Variants in ITPR2 observed in about 807,000 individuals in gnomAD.
ITPR2 encodes inositol 1,4,5-trisphosphate-gated calcium channel ITPR2.
Under a neutral mutation model 317.1 loss-of-function variants are expected in ITPR2, and 207 were observed. The ratio of observed to expected loss-of-function variants is 0.65; its 90% CI spans 0.58 to 0.73. The LOEUF (loss-of-function observed/expected upper bound fraction) is 0.73, where lower values mean the gene tolerates loss of function less well. ITPR2 is among the 30% of genes least tolerant of loss of function. The pLI is 0.00. For missense variants in ITPR2, 2,613 were observed against 3,284.0 expected (o/e 0.80, Z 4.99); for synonymous variants, 1,156 against 1,149.1 (o/e 1.01, Z -0.12).
intron 1 of ITPR2, among the ~76,000 whole-genome samples, chr12:26,814,161 C>T (rs1460416575): frequency 1.3e-5 from 2 of 152,138 alleles, no homozygotes; most frequent in Non-Finnish European, 2.9e-5. Flanking sequence ...GGTAAGGCTG[C>T]GGCAGATAGC....
At chr12:26,425,099 C>T (rs1270237964) in intron 49 of ITPR2, among the ~76,000 whole-genome samples, 3 of 151,864 alleles carry the variant, frequency 2.0e-5, no homozygotes, top group South Asian at 2.1e-4. Context: ...AGATGATATT[C>T]GCTAAAATAT....
At chr12:26,808,864 C>CACAG (rs1237962399) in intron 1 of ITPR2, among the ~76,000 whole-genome samples, 4 of 152,192 alleles carry the variant, frequency 2.6e-5, no homozygotes, top group African/African-American at 9.7e-5. Flanking sequence ...ACACTCTATT[C>CACAG]AACAGGCATT....
Position 26,681,492 on chromosome 12 carries a change from G to A in ITPR2, c.1409+382C>T, listed in dbSNP as rs183766892. Among the ~76,000 whole-genome samples the A allele has an allele frequency of 2.0e-5, 3 of 152,100 alleles. No homozygotes were observed. In the East Asian group the frequency reaches 5.8e-4, roughly 29 times the overall value. On this transcript the variant is annotated intron_variant, in intron 13 of 56. Coordinates refer to ENST00000381340, the MANE Select transcript of ITPR2 (RefSeq NM_002223.4). ...TTTTGTGGTACCAGAGCTGAGAAAT[G>A]CATCTTGAATAAATAAGATCAGAGA...
At chr12:26,468,852 G>A (rs563319764) in intron 45 of ITPR2, among the ~76,000 whole-genome samples, 11 of 152,100 alleles carry the variant, frequency 7.2e-5, no homozygotes, top group Non-Finnish European at 1.5e-4. Context: ...TCAAATTATT[G>A]TAGTTTATTT....
chr12:26,417,544 T>C (rs1278846780), intron 50 of ITPR2, among the ~76,000 whole-genome samples: 1 of 152,104 alleles, frequency 6.6e-6, no homozygotes, highest in Non-Finnish European at 1.5e-5. Context: ...AAAGTGGCAG[T>C]TTCCCCCGTG....
intron 55 of ITPR2, among the ~76,000 whole-genome samples, chr12:26,377,737 G>A (rs1591974897): frequency 6.6e-6 from 1 of 152,358 alleles, no homozygotes; most frequent in East Asian, 1.9e-4. Context: ...TATTTACAGA[G>A]CACCTGGGAT....
intron 55 of ITPR2, among the ~76,000 whole-genome samples, chr12:26,353,481 AG>A (rs1210909905): frequency 3.9e-5 from 6 of 152,228 alleles, no homozygotes; most frequent in African/African-American, 1.2e-4. Context: ...ACTCTTACAG[AG>A]GGGTCTGCCC....
At chr12:26,470,223 T>C (rs1942264867) in intron 45 of ITPR2, among the ~76,000 whole-genome samples, 1 of 152,244 alleles carries the variant, frequency 6.6e-6, no homozygotes, top group African/African-American at 2.4e-5. Flanking sequence ...AATTTTGGAA[T>C]ATGTCTTTAC....
Position 26,436,265 on chromosome 12 carries a change from A to G in ITPR2, c.6725T>C (p.Leu2242Ser). The stretch of plus-strand genomic sequence containing the variant: ...AAATGGGTAGAAGAGAGCAACAGCT[A>G]AATTGATGAACACAGCCAGGTTGAA... The part of the protein sequence containing the change: ...ISFNLAVFIN[L>S]AVALFYPFGD... Residue 2242 changes from leucine to serine, a missense_variant, in exon 48 of 57, where the codon TTA becomes TCA. Transcript: ENST00000381340. 1 of 1,613,190 alleles carries G rather than the reference A, an allele frequency of 6.2e-7. No individual in the cohort carries two copies. The highest frequency in any genetic ancestry group is 2.2e-5 in the East Asian group (1 of 44,830).
chr12:26,786,120 C>A (rs2137200116), intron 2 of ITPR2, among the ~76,000 whole-genome samples: 1 of 20,870 alleles, frequency 4.8e-5, no homozygotes, highest in South Asian at 1.1e-3. Flanking sequence ...AAAAATTCTT[C>A]TGCCTTGGGA....
intron 37 of ITPR2, among the ~76,000 whole-genome samples, chr12:26,533,705 A>G (rs1256316964): frequency 2.0e-5 from 3 of 152,274 alleles, no homozygotes; most frequent in African/African-American, 7.2e-5. Flanking sequence ...ATGAAGACAC[A>G]AGGAGAGGGT....
At chr12:26,754,931 A>G (rs1023272135) in intron 2 of ITPR2, among the ~76,000 whole-genome samples, 1 of 152,218 alleles carries the variant, frequency 6.6e-6, no homozygotes, top group Non-Finnish European at 1.5e-5. Flanking sequence ...AGGTTTCATT[A>G]AAAATTGGGT....
chr12:26,719,471 C>T lies in ITPR2; in HGVS notation c.525+2926G>A, dbSNP rs76012537. Among the ~76,000 whole-genome samples, 290 of 152,242 alleles carry T rather than the reference C, an allele frequency of 1.9e-3. 1 individual carries two copies. Among genetic ancestry groups the T allele is most frequent in the African/African-American group, 6.9e-3 (287 of 41,542 alleles). On this transcript the variant is annotated intron_variant, in intron 5 of 56. Coordinates refer to ENST00000381340, the MANE Select transcript of ITPR2 (RefSeq NM_002223.4). ...CCATGTAAGATTCAAGCTGAGATTT[C>T]GCTGAAAATAAAGAGGGATATAACA...
At chr12:26,431,197 C>CG (rs1451138611) in intron 48 of ITPR2, among the ~76,000 whole-genome samples, 2 of 152,100 alleles carry the variant, frequency 1.3e-5, no homozygotes, top group African/African-American at 2.4e-5. Flanking sequence ...ACACAAAGCA[C>CG]TTGATGGAAA....
At chr12:26,567,620 T>C (rs916085927) in intron 34 of ITPR2, among the ~76,000 whole-genome samples, 1 of 152,068 alleles carries the variant, frequency 6.6e-6, no homozygotes, top group African/African-American at 2.4e-5. Context: ...TCAAAATCAG[T>C]CTGCTTTGTA....
intron 55 of ITPR2, among the ~76,000 whole-genome samples, chr12:26,386,872 C>A (rs1055519843): frequency 2.0e-5 from 3 of 152,128 alleles, no homozygotes; most frequent in African/African-American, 7.2e-5. Context: ...CTGTCCTAAT[C>A]TTGCTGAGGA....
chr12:26,595,778 G>A (rs933694732), intron 31 of ITPR2, among the ~76,000 whole-genome samples, 188 bp from the exon 32 acceptor site: 20 of 152,092 alleles, frequency 1.3e-4, no homozygotes, highest in Non-Finnish European at 2.2e-4. Flanking sequence ...GTGAAAACAC[G>A]GGGCCTAGTA....
chr12:26,743,666 G>T (rs1484318257), intron 2 of ITPR2, among the ~76,000 whole-genome samples: 1 of 152,100 alleles, frequency 6.6e-6, no homozygotes, highest in Non-Finnish European at 1.5e-5. Context: ...GCCGAGGCGG[G>T]GGGATCACCT....
In ITPR2 at chr12:26,824,811, T is replaced by C. The variant is rs183420777; in HGVS notation, c.92+7879A>G. ...TCCATATATATTGTTTTGAATATTT[T>C]TTATTAAAATTGTGGTTTTCTAAAG... On this transcript the variant is annotated intron_variant, in intron 1 of 56. Coordinates refer to ENST00000381340, the MANE Select transcript of ITPR2 (RefSeq NM_002223.4). Among the ~76,000 whole-genome samples the C allele has an allele frequency of 4.9e-4, 75 of 152,370 alleles. 1 individual carries two copies. In the East Asian group the frequency reaches 0.011, roughly 23 times the overall value.
Sources: gnomAD v4.1 joint callset for allele counts (sites outside exome capture counted in the v4.1 genomes callset) on GRCh38, gnomAD v4.1.1 for gene constraint, MANE v1.5 for transcripts, NCBI Gene and HGNC (gene_info 2026-07-23, HGNC 2026-07-21) for gene names.